The following MSN variants were observed in gnomAD, a reference collection of about 807,000 sequenced individuals.
The protein encoded by MSN is epididymis luminal protein 70.
In MSN, 2 loss-of-function variants were observed where a neutral mutation model predicts 48.0. That is an observed-to-expected ratio of 0.04 (90% CI 0.02 to 0.13). MSN has a LOEUF of 0.13. Among genes scored for constraint, MSN ranks in the 10% least tolerant of loss-of-function variants. MSN has a pLI of 1.00. For missense variants in MSN, 267 were observed against 470.1 expected, an observed-to-expected ratio of 0.57 and a Z score of 3.99; for synonymous variants, 146 against 166.9, an observed-to-expected ratio of 0.87 and a Z score of 0.97.
chrX:65,669,814 T>C (rs779789364), intron 1 of MSN, among the ~76,000 whole-genome samples: 4 of 109,347 alleles, frequency 3.7e-5, no homozygotes, highest in Non-Finnish European at 7.6e-5. Context: ...GACTATTTAG[T>C]ACAACTCTCT....
chrX:65,640,029 A>G (rs1269950480), intron 1 of MSN, among the ~76,000 whole-genome samples: 1 of 111,137 alleles, frequency 9.0e-6, no homozygotes, highest in Non-Finnish European at 1.9e-5. Context: ...CAAACAGGTG[A>G]CAATCATAAA....
intron 1 of MSN, among the ~76,000 whole-genome samples, chrX:65,592,913 C>T (rs1361578696): frequency 1.8e-5 from 2 of 110,019 alleles, no homozygotes; most frequent in African/African-American, 3.3e-5. Context: ...TGATGGTGCA[C>T]GCCTGTAATC....
intron 1 of MSN, among the ~76,000 whole-genome samples, chrX:65,651,919 T>C (rs1489723064): frequency 9.3e-6 from 1 of 107,254 alleles, no homozygotes; most frequent in Non-Finnish European, 1.9e-5. Flanking sequence ...CTTTACTTGC[T>C]GTGTTTCCCT....
chrX:65,661,158 T>C (rs1428709377), intron 1 of MSN, among the ~76,000 whole-genome samples: 4 of 110,748 alleles, frequency 3.6e-5, no homozygotes, highest in African/African-American at 1.3e-4. Flanking sequence ...GAGACAAGGT[T>C]TCACCATGTT....
At chrX:65,706,161 G>T in intron 1 of MSN, among the ~76,000 whole-genome samples, 1 of 111,584 alleles carries the variant, frequency 9.0e-6, no homozygotes, top group Non-Finnish European at 1.9e-5. Context: ...ATGGAAAAAA[G>T]CTAGTTGAGA....
chrX:65,686,031 G>A (rs1197539033), intron 1 of MSN, among the ~76,000 whole-genome samples: 1 of 112,712 alleles, frequency 8.9e-6, no homozygotes, highest in Non-Finnish European at 1.9e-5. Context: ...ATACACATCA[G>A]GAATCTTGTC....
chrX:65,636,081 G>C (rs1406001236), intron 1 of MSN, among the ~76,000 whole-genome samples: 2 of 111,592 alleles, frequency 1.8e-5, no homozygotes, highest in Non-Finnish European at 3.8e-5. Context: ...GTGGATTGTT[G>C]CAACAGCTTG....
chrX:65,739,596 T>C, intron 12 of MSN, 133 bp from the exon 13 acceptor site: 1 of 732,423 alleles, frequency 1.4e-6, no homozygotes, highest in East Asian at 3.5e-5. Flanking sequence ...TGGAAATGAC[T>C]CTCAATATTT....
At position 65,621,108 on chromosome X, in the gene MSN, G is replaced by T. The variant is rs761666076; in HGVS notation, c.-22+32496G>T. On this transcript the variant is annotated intron_variant, in intron 1 of 3. Transcript: ENST00000609672. Reference sequence around the variant, plus strand: ...TTTTTTGTATTTTTAGTAGAGATGGGGTTTCACCGTGTTAGCCAGGATGGT... The same window carrying T: ...TTTTTTGTATTTTTAGTAGAGATGGTGTTTCACCGTGTTAGCCAGGATGGT... Among the ~76,000 whole-genome samples, 3 of 109,433 alleles carry T rather than the reference G, an allele frequency of 2.7e-5. No homozygotes were observed. In the South Asian group the frequency reaches 1.2e-3, roughly 42 times the overall value.
At chrX:65,626,603 C>G (rs934345972) in intron 1 of MSN, among the ~76,000 whole-genome samples, 7 of 110,557 alleles carry the variant, frequency 6.3e-5, no homozygotes, top group African/African-American at 2.0e-4. Flanking sequence ...TCCTTGAATT[C>G]CAGGAGCTGG....
At position 65,632,546 on chromosome X, in the gene MSN, C is replaced by A. The variant is rs1051764928; in HGVS notation, c.-22+43934C>A. ...TGACTGTATCATTTTACATTCCCAA[C>A]AACAATGTATGAGTGATTCAGTTTC... is the stretch of plus-strand genomic sequence containing the variant. On this transcript the variant is annotated intron_variant, in intron 1 of 3. Coordinates refer to the MSN transcript ENST00000609672. 3.6e-5 allele frequency among the ~76,000 whole-genome samples: 4 copies of A among 112,247 alleles called. No individual in the cohort carries two copies. The Admixed American group carries it at 3.8e-4, about 11-fold the overall frequency.
intron 1 of MSN, among the ~76,000 whole-genome samples, chrX:65,653,204 C>T (rs1165167115): frequency 9.0e-6 from 1 of 111,235 alleles, no homozygotes; most frequent in Non-Finnish European, 1.9e-5. Context: ...ATTTTGCCAA[C>T]ACCACATTCT....
chrX:65,685,050 A>G (rs778785984), intron 1 of MSN, among the ~76,000 whole-genome samples: 2 of 112,066 alleles, frequency 1.8e-5, no homozygotes, highest in Non-Finnish European at 3.8e-5. Context: ...GAATTGGTGG[A>G]ACACTTAAAA....
At chrX:65,723,384 C>T (rs147363632) in intron 2 of MSN, among the ~76,000 whole-genome samples, 161 of 111,623 alleles carry the variant, frequency 1.4e-3, no homozygotes, top group African/African-American at 5.0e-3. Flanking sequence ...CTACCACACC[C>T]CCTATGTCCC....
At chrX:65,681,130 A>C (rs1311755112) in intron 1 of MSN, among the ~76,000 whole-genome samples, 1 of 110,658 alleles carries the variant, frequency 9.0e-6, no homozygotes, top group East Asian at 2.8e-4. Flanking sequence ...TTCAGCTTGA[A>C]ATTTCAGGTG....
At chrX:65,671,215 A>C (rs1333335419) in intron 1 of MSN, among the ~76,000 whole-genome samples, 1 of 108,677 alleles carries the variant, frequency 9.2e-6, no homozygotes, top group African/African-American at 3.4e-5. Flanking sequence ...AGAGTGATGC[A>C]GTATGCCAGT....
chrX:65,718,091 A>G (rs757410326), intron 2 of MSN, among the ~76,000 whole-genome samples: 1 of 111,254 alleles, frequency 9.0e-6, no homozygotes, highest in East Asian at 2.8e-4. Flanking sequence ...GATGAGAGTT[A>G]ACATTTATCC....
chrX:65,605,480 C>T (rs1219491962), intron 1 of MSN, among the ~76,000 whole-genome samples: 2 of 112,251 alleles, frequency 1.8e-5, no homozygotes, highest in Non-Finnish European at 1.9e-5. Flanking sequence ...GGTCTCCTGG[C>T]TTCTACCCTT....
intron 1 of MSN, among the ~76,000 whole-genome samples, chrX:65,649,259 GTA>G (rs59584763): frequency 0.16 from 16,025 of 97,824 alleles, 3,546 homozygotes; most frequent in African/African-American, 0.57. Flanking sequence ...ATATATATAT[GTA>G]TATATATATA....
Sources: gnomAD v4.1 joint callset for allele counts (sites outside exome capture counted in the v4.1 genomes callset) on GRCh38, gnomAD v4.1.1 for gene constraint, MANE v1.5 for transcripts, NCBI Gene and HGNC (gene_info 2026-07-23, HGNC 2026-07-21) for gene names.